Variants in PATJ observed in about 807,000 individuals in gnomAD.
PATJ encodes PATJ crumbs cell polarity complex component, also known as inaD-like protein.
A neutral mutation model predicts 224.9 loss-of-function variants in PATJ; 190 were observed. The observed-to-expected ratio is 0.84, with a 90% CI of 0.75 to 0.95. PATJ has a LOEUF of 0.95. Among genes scored for constraint, PATJ ranks in the 40% least tolerant of loss-of-function variants. PATJ has a pLI of 0.00. For synonymous variants in PATJ, 769 were observed against 820.3 expected (o/e 0.94, Z 1.07); for missense variants, 2,121 against 2,270.3 (o/e 0.93, Z 1.34).
chr1:62,016,010 C>T (rs552407352), intron 28 of PATJ, among the ~76,000 whole-genome samples: 2 of 152,182 alleles, frequency 1.3e-5, no homozygotes, highest in Non-Finnish European at 2.9e-5. Flanking sequence ...AGGCTGGTCT[C>T]GAACTCCTGA....
intron 27 of PATJ, among the ~76,000 whole-genome samples, chr1:61,942,223 CTTTA>C (rs934777328): frequency 2.0e-4 from 30 of 152,078 alleles, no homozygotes; most frequent in South Asian, 2.1e-4. Flanking sequence ...ATGCTTTCAA[CTTTA>C]TTTAATTTAC....
chr1:61,911,760 G>A (rs1036730355), intron 25 of PATJ, among the ~76,000 whole-genome samples: 3 of 147,146 alleles, frequency 2.0e-5, no homozygotes, highest in African/African-American at 7.4e-5. Flanking sequence ...TTGTCAGGGA[G>A]GCAAAGTGTT....
intron 3 of PATJ, 21 bp from the exon 4 acceptor site, chr1:61,766,258 C>A (rs56221834): frequency 1.6e-6 from 2 of 1,252,866 alleles, no homozygotes; most frequent in Non-Finnish European, 2.2e-6. Context: ...TCTGTTGATT[C>A]TTTTTTTTTC....
intron 29 of PATJ, among the ~76,000 whole-genome samples, chr1:62,026,924 C>T (rs923937336): frequency 6.6e-6 from 1 of 152,098 alleles, no homozygotes; most frequent in Admixed American, 6.6e-5. Context: ...GTGTTCATAG[C>T]AACATTATTT....
intron 29 of PATJ, among the ~76,000 whole-genome samples, chr1:62,036,520 G>T (rs1650411850): frequency 6.6e-6 from 1 of 152,084 alleles, no homozygotes; most frequent in Non-Finnish European, 1.5e-5. Context: ...ACATCTAGTG[G>T]AGATATAAAG....
At chr1:61,876,449 A>G (rs1667345240) in intron 21 of PATJ, among the ~76,000 whole-genome samples, 1 of 152,200 alleles carries the variant, frequency 6.6e-6, no homozygotes, top group Admixed American at 6.5e-5. Context: ...TTATAGCACA[A>G]ATGTTTGAGT....
intron 31 of PATJ, among the ~76,000 whole-genome samples, chr1:62,071,248 C>G (rs1208137898): frequency 6.6e-6 from 1 of 152,152 alleles, no homozygotes; most frequent in Non-Finnish European, 1.5e-5. Context: ...GGGCTCTGCA[C>G]TAGTCCCCTG....
chr1:62,148,233 T>C, intron 41 of PATJ, 51 bp from the exon 42 acceptor site: 1 of 1,268,084 alleles, frequency 7.9e-7, no homozygotes, highest in Non-Finnish European at 1.2e-6. Context: ...ATGGTTTCTC[T>C]AATTCTCCCC....
Position 61,899,644 on chromosome 1 carries a change from C to T in PATJ, c.3193C>T (p.Pro1065Ser), listed in dbSNP as rs1441746508. 1 of 1,609,358 alleles carries T rather than the reference C, an allele frequency of 6.2e-7. No individual in the cohort carries two copies. The highest frequency in any genetic ancestry group is 1.3e-5 in the African/African-American group (1 of 74,562). ...EETPNFSHWGPPRIVEIFREP... is the reference protein window; with the variant it reads ...EETPNFSHWGSPRIVEIFREP... ...AACTCCAAATTTTAGCCACTGGGGT[C>T]CACCGAGAATGTATGTGGATGACAT... Residue 1065 changes from proline (P) to serine (S), a missense_variant, in exon 23 of 44, where the codon CCA (proline) becomes TCA (serine). Transcript: ENST00000642238.
chr1:61,962,696 C>T (rs899542971), intron 27 of PATJ, among the ~76,000 whole-genome samples: 1 of 152,140 alleles, frequency 6.6e-6, no homozygotes, highest in African/African-American at 2.4e-5. Context: ...GAAGACACCC[C>T]AAAATAACAG....
In PATJ at chr1:61,860,394, G is replaced by A. The variant is rs183748005; in HGVS notation, c.2323-1157G>A. On this transcript the variant is annotated intron_variant, in intron 18 of 43. Coordinates refer to ENST00000642238, the MANE Select transcript of PATJ (RefSeq NM_001350145.3). Reference sequence around the variant, plus strand: ...CTTTAAAAACTGCATTATATCTTCAGAAGTGATGGAGCAGAACTGACAATA... The same window carrying A: ...CTTTAAAAACTGCATTATATCTTCAAAAGTGATGGAGCAGAACTGACAATA... Among the ~76,000 whole-genome samples the A allele has an allele frequency of 1.5e-3, 232 of 152,228 alleles. 2 individuals are homozygous for A. The highest frequency in any genetic ancestry group is 4.4e-4 in the Non-Finnish European group (30 of 68,006).
intron 26 of PATJ, among the ~76,000 whole-genome samples, chr1:61,921,188 GACA>G (rs1383158314): frequency 6.6e-6 from 1 of 152,052 alleles, no homozygotes; most frequent in Non-Finnish European, 1.5e-5. Flanking sequence ...GAACCCATGG[GACA>G]ACTTTAATTA....
chr1:61,785,463 C>T (rs1254373434), intron 7 of PATJ, among the ~76,000 whole-genome samples: 2 of 152,124 alleles, frequency 1.3e-5, no homozygotes, highest in African/African-American at 4.8e-5. Context: ...TTGGTTCAAC[C>T]TTTTTATCAG....
intron 33 of PATJ, among the ~76,000 whole-genome samples, chr1:62,105,949 T>C (rs769387651): frequency 8.2e-4 from 120 of 145,750 alleles, no homozygotes; most frequent in African/African-American, 3.0e-3. Context: ...AAAGTAAGCC[T>C]GGTGCTATGG....
At chr1:62,120,996 A>C in intron 37 of PATJ, 185 bp from the exon 38 acceptor site, 1 of 482,966 alleles carries the variant, frequency 2.1e-6, no homozygotes, top group Non-Finnish European at 3.6e-6. Flanking sequence ...GAAATGTCTA[A>C]ATGGGATTGG....
intron 27 of PATJ, among the ~76,000 whole-genome samples, chr1:61,966,236 A>AC (rs1682119928): frequency 6.6e-6 from 1 of 151,602 alleles, no homozygotes; most frequent in Non-Finnish European, 1.5e-5. Context: ...GGTGCTTTGT[A>AC]CCAGGTAGCT....
At chr1:61,810,443 A>G (rs1232662395) in intron 14 of PATJ, among the ~76,000 whole-genome samples, 1 of 152,062 alleles carries the variant, frequency 6.6e-6, no homozygotes, top group East Asian at 1.9e-4. Flanking sequence ...TCACACCTGT[A>G]ATCCCAGCAC....
intron 41 of PATJ, among the ~76,000 whole-genome samples, chr1:62,145,254 A>C (rs1667928479): frequency 6.6e-6 from 1 of 152,370 alleles, no homozygotes; most frequent in Admixed American, 6.5e-5. Flanking sequence ...TGGGGAATAC[A>C]GGAGTGAACA....
chr1:62,090,599 C>T (rs938814611), intron 33 of PATJ, among the ~76,000 whole-genome samples: 3 of 152,088 alleles, frequency 2.0e-5, no homozygotes, highest in African/African-American at 7.2e-5. Flanking sequence ...CCAGATAAGG[C>T]ATATTGGATA....
Sources: allele counts gnomAD v4.1 joint callset (sites outside exome capture counted in the v4.1 genomes callset), GRCh38; gene constraint gnomAD v4.1.1; transcripts MANE v1.5; gene names NCBI Gene and HGNC (gene_info 2026-07-23, HGNC 2026-07-21).